The following GUCY2C variants were observed in gnomAD, a reference collection of about 807,000 sequenced individuals.
GUCY2C encodes guanylyl cyclase C.
GUCY2C carries 118 observed loss-of-function variants against 131.1 expected under a neutral mutation model. The ratio of observed to expected loss-of-function variants is 0.90; its 90% CI spans 0.78 to 1.05. The LOEUF is 1.05. GUCY2C is among the 50% of genes least tolerant of loss of function. The pLI is 0.00. For synonymous variants in GUCY2C, 452 were observed against 457.8 expected (o/e 0.99, Z 0.16); for missense variants, 1,161 against 1,304.4 (o/e 0.89, Z 1.69).
In GUCY2C at chr12:14,639,881, G is replaced by T. The variant is rs1210309908; in HGVS notation, c.2138C>A (p.Ala713Glu). Residue 713 changes from alanine to glutamate, a missense_variant, in exon 19 of 27, where the codon GCA becomes GAA. Physicochemically the swap from Ala to Glu is moderately radical, Grantham distance 107. Coordinates refer to ENST00000261170, the MANE Select transcript of GUCY2C (RefSeq NM_004963.4). ...PFRPDLFLET[A>E]EEKELEVYLL... ...ACTCACTTCTAGCTCTTTTTCCTCT[G>T]CTGTTTCCAAGAATAAATCTGGGCG... 2 of 1,601,784 alleles carry T rather than the reference G, an allele frequency of 1.2e-6. No homozygotes were observed. Among genetic ancestry groups the T allele is most frequent in the African/African-American group, 1.3e-5 (1 of 74,646 alleles).
intron 22 of GUCY2C, 129 bp from the exon 23 acceptor site, chr12:14,621,345 T>A: frequency 1.3e-6 from 1 of 756,208 alleles, no homozygotes; most frequent in Non-Finnish European, 2.2e-6. Context: ...CCCTTTACAC[T>A]TTTTCTGGGG....
Position 14,656,543 on chromosome 12 carries a change from T to A in GUCY2C, c.1439A>T (p.Glu480Val). 2 of 1,598,402 alleles carry A rather than the reference T, an allele frequency of 1.3e-6. No homozygotes were observed. The highest frequency in any genetic ancestry group is 1.7e-6 in the Non-Finnish European group (2 of 1,165,792). ...GCTAACATGATTGGTCTCATTGGTC[T>A]CCAGAGGAAAGATATTTTCAGGAGG... ...HIPPENIFPL[E>V]TNETNHVSLK... Residue 480 changes from glutamate (E) to valine (V), a missense_variant, in exon 12 of 27, where the codon GAG becomes GTG. Physicochemically the swap from Glu to Val is moderately radical, Grantham distance 121 (BLOSUM62 -2). Transcript: ENST00000261170.
At chr12:14,633,869 A>G (rs1485957624) in intron 19 of GUCY2C, among the ~76,000 whole-genome samples, 1 of 152,104 alleles carries the variant, frequency 6.6e-6, no homozygotes, top group Non-Finnish European at 1.5e-5. Context: ...AAAAATAAAG[A>G]AAAAAGAACA....
At chr12:14,663,271 T>A (rs1023006432) in intron 10 of GUCY2C, among the ~76,000 whole-genome samples, 1 of 152,170 alleles carries the variant, frequency 6.6e-6, no homozygotes, top group African/African-American at 2.4e-5. Flanking sequence ...TTTAAAATCA[T>A]GTGTGTGAAT....
intron 10 of GUCY2C, among the ~76,000 whole-genome samples, chr12:14,669,120 A>G (rs1948045749): frequency 6.6e-6 from 1 of 152,170 alleles, no homozygotes; most frequent in Non-Finnish European, 1.5e-5. Context: ...TCTGTGGAAT[A>G]ATTTATGTCA....
chr12:14,625,803 C>A lies in GUCY2C; in HGVS notation c.2362G>T (p.Ala788Ser), dbSNP rs1278100071. The A allele has an allele frequency of 6.2e-7, 1 of 1,613,908 alleles. No individual in the cohort carries two copies. The highest frequency in any genetic ancestry group is 8.5e-7 in the Non-Finnish European group (1 of 1,179,924). ...LVEERTQLYK[A>S]ERDRADRLNF... is the part of the protein sequence containing the mutation. ...AGTCTGTCAGCCCTGTCCCTCTCTG[C>A]CTTGTACAGCTGTGTCCTTTCCTCT... The change falls in exon 21 of 27, where the codon GCA becomes TCA. Residue 788 changes from alanine to serine, a missense_variant. Transcript: ENST00000261170.
intron 3 of GUCY2C, among the ~76,000 whole-genome samples, chr12:14,685,958 T>G (rs184412678): frequency 5.7e-4 from 87 of 152,336 alleles, no homozygotes; most frequent in African/African-American, 2.0e-3. Context: ...CAGATGTTAA[T>G]GACTCAACCT....
chr12:14,677,460 C>G (rs973601941), intron 6 of GUCY2C, among the ~76,000 whole-genome samples: 6 of 152,324 alleles, frequency 3.9e-5, no homozygotes, highest in African/African-American at 1.4e-4. Context: ...CTTATTGATT[C>G]TTGTATCCTC....
rs375430934 is a variant in GUCY2C at position 14,639,845 on chromosome 12, C to T, written c.2157+17G>A. On this transcript the variant is annotated intron_variant, in intron 19 of 26. Transcript: ENST00000261170. ...TTATAGCAGGCCAAGGAAATGAATA[C>T]GGGAAGATATACTCACTTCTAGCTC... The T allele has an allele frequency of 8.4e-6, 12 of 1,429,474 alleles. No homozygotes were observed. Among genetic ancestry groups the T allele is most frequent in the South Asian group, 2.3e-5 (2 of 87,346 alleles). The allele number at this position is 1,429,474 out of a possible 1,614,324, so 88.5% of individuals were successfully genotyped here.
intron 9 of GUCY2C, among the ~76,000 whole-genome samples, chr12:14,670,776 C>T (rs920988572): frequency 6.6e-6 from 1 of 151,802 alleles, no homozygotes; most frequent in South Asian, 2.1e-4. Context: ...TGCGAGGCCT[C>T]CCCAGCCTCG....
At chr12:14,623,370 T>C (rs965542879) in intron 21 of GUCY2C, among the ~76,000 whole-genome samples, 1 of 152,170 alleles carries the variant, frequency 6.6e-6, no homozygotes. Flanking sequence ...TTGGAGAACC[T>C]CCAGAGTATC....
At position 14,675,790 on chromosome 12, in the gene GUCY2C, G is replaced by A. The variant is rs115957850; in HGVS notation, c.949-1030C>T. On this transcript the variant is annotated intron_variant, in intron 7 of 26. Transcript: ENST00000261170. ...TTGGACTGCCCATTTGCAAAGAATC[G>A]TATTTTTGCTAGAACCATGAAGATG... is the stretch of plus-strand genomic sequence containing the variant. Among the ~76,000 whole-genome samples the A allele has an allele frequency of 4.1e-3, 627 of 152,208 alleles. 4 individuals carry two copies. The highest frequency in any genetic ancestry group is 0.014 in the African/African-American group (600 of 41,500).
At chr12:14,632,023 T>C (rs1246104544) in intron 19 of GUCY2C, among the ~76,000 whole-genome samples, 5 of 152,198 alleles carry the variant, frequency 3.3e-5, no homozygotes, top group Non-Finnish European at 7.3e-5. Flanking sequence ...GCTGCATAAA[T>C]GTCTTCTTTT....
intron 12 of GUCY2C, among the ~76,000 whole-genome samples, chr12:14,655,468 G>A (rs1947746192): frequency 6.6e-6 from 1 of 152,168 alleles, no homozygotes; most frequent in East Asian, 1.9e-4. Flanking sequence ...TAGACATGAG[G>A]GGATTGGAGC....
chr12:14,623,796 C>G (rs1225502238), intron 21 of GUCY2C, among the ~76,000 whole-genome samples: 2 of 152,134 alleles, frequency 1.3e-5, no homozygotes, highest in Non-Finnish European at 2.9e-5. Flanking sequence ...CCTTTGCTCT[C>G]TCTCTCTCTT....
At chr12:14,648,503 T>C (rs1256604447) in intron 15 of GUCY2C, among the ~76,000 whole-genome samples, 1 of 152,200 alleles carries the variant, frequency 6.6e-6, no homozygotes, top group Admixed American at 6.5e-5. Flanking sequence ...TACAAGGACA[T>C]CTGCCCAACA....
chr12:14,653,090 C>G (rs1565620486), intron 12 of GUCY2C, 76 bp from the exon 13 acceptor site: 2 of 1,069,708 alleles, frequency 1.9e-6, no homozygotes, highest in East Asian at 4.7e-5. Flanking sequence ...GGCTGAGAGG[C>G]TCTTCCAGGT....
chr12:14,635,613 A>G (rs1304717139), intron 19 of GUCY2C, among the ~76,000 whole-genome samples: 1 of 152,136 alleles, frequency 6.6e-6, no homozygotes, highest in African/African-American at 2.4e-5. Flanking sequence ...TCAGAGTAGA[A>G]CTAGACAAAA....
chr12:14,684,662 CCTTTTCTTTCTCT>C (rs1948436563), intron 3 of GUCY2C, among the ~76,000 whole-genome samples: 1 of 126,326 alleles, frequency 7.9e-6, no homozygotes. Context: ...TCCTTTCCTT[CCTTTTCTTTCTCT>C]CTTTCTCTCT....
Sources: gnomAD v4.1 joint callset for allele counts (sites outside exome capture counted in the v4.1 genomes callset) on GRCh38, gnomAD v4.1.1 for gene constraint, MANE v1.5 for transcripts, NCBI Gene and HGNC (gene_info 2026-07-23, HGNC 2026-07-21) for gene names.